UBE4A: variants seen among roughly 807,000 people sequenced by gnomAD.
UBE4A encodes ubiquitin conjugation factor E4 A.
A neutral mutation model predicts 117.9 loss-of-function variants in UBE4A; 48 were observed. The ratio of observed to expected loss-of-function variants is 0.41; its 90% CI spans 0.32 to 0.52. UBE4A has a LOEUF of 0.52. UBE4A is among the 20% of genes least tolerant of loss of function. The probability of loss-of-function intolerance (pLI) is 0.33; values close to 1 mark genes in which losing one functional copy is unlikely to be tolerated. For missense variants in UBE4A, 1,067 were observed against 1,296.3 expected, an observed-to-expected ratio of 0.82 and a Z score of 2.72; for synonymous variants, 407 against 450.0, an observed-to-expected ratio of 0.90 and a Z score of 1.21.
intron 18 of UBE4A, among the ~76,000 whole-genome samples, chr11:118,392,325 ACTG>A (rs1948826626): frequency 6.6e-6 from 1 of 152,206 alleles, no homozygotes; most frequent in Non-Finnish European, 1.5e-5. Flanking sequence ...AAAATCAAAA[ACTG>A]CTTTTCATAC....
chr11:118,383,746 A>G lies in UBE4A; in HGVS notation c.2198-889A>G, dbSNP rs556523063. On this transcript the variant is annotated intron_variant, in intron 13 of 19. Transcript: ENST00000252108. ...TTTTTTAAAGGGATATCTACCATCC[A>G]ATGATAAATACAACTAACATTTAAA... 4.3e-4 allele frequency among the ~76,000 whole-genome samples: 65 copies of G among 152,270 alleles called. 1 individual carries two copies. Among genetic ancestry groups the G allele is most frequent in the African/African-American group, 1.5e-3 (64 of 41,566 alleles).
intron 6 of UBE4A, 23 bp downstream of exon 6, chr11:118,372,689 T>G: frequency 6.2e-7 from 1 of 1,608,588 alleles, no homozygotes; most frequent in Non-Finnish European, 8.5e-7. Context: ...ACAAGATCTG[T>G]AAGCTTCTAC....
intron 19 of UBE4A, among the ~76,000 whole-genome samples, chr11:118,395,364 G>A (rs73020212): frequency 0.017 from 2,604 of 151,750 alleles, 33 homozygotes; most frequent in Non-Finnish European, 0.029. Flanking sequence ...TCTACCTCTT[G>A]GTATTTGGTA....
At chr11:118,362,317 G>A (rs1948526774) in intron 1 of UBE4A, among the ~76,000 whole-genome samples, 1 of 152,054 alleles carries the variant, frequency 6.6e-6, no homozygotes, top group African/African-American at 2.4e-5. Context: ...GTAGAGATGG[G>A]GTTTCTCCAT....
chr11:118,376,177 A>G, intron 9 of UBE4A, among the ~76,000 whole-genome samples: 1 of 152,122 alleles, frequency 6.6e-6, no homozygotes, highest in East Asian at 1.9e-4. Context: ...AATGAAGAGA[A>G]AATAAATGAC....
At chr11:118,371,465 CA>C (rs1948609604) in intron 4 of UBE4A, 48 bp from the exon 5 acceptor site, 1 of 1,559,126 alleles carries the variant, frequency 6.4e-7, no homozygotes, top group Non-Finnish European at 8.7e-7. Context: ...TTAATGTTCT[CA>C]GATTAATTTT....
In UBE4A at chr11:118,384,947, T is replaced by TAAAA. The variant is rs370025001; in HGVS notation, c.2412+20_2412+23dup. 39 of 1,067,088 alleles carry TAAAA rather than the reference T, an allele frequency of 3.7e-5. No individual in the cohort carries two copies. Among genetic ancestry groups the TAAAA allele is most frequent in the African/African-American group, 6.8e-5 (3 of 44,090 alleles). 66.1% of individuals were successfully genotyped at this position (1,067,088 alleles called of 1,614,324 possible). A position where few individuals can be genotyped will look rare whatever the true frequency, so the allele number is the denominator to read the frequency against. On this transcript the variant is annotated splice_region_variant and intron_variant, in intron 15 of 19. Coordinates refer to ENST00000252108, the MANE Select transcript of UBE4A (RefSeq NM_001204077.2). The stretch of plus-strand genomic sequence containing the variant: ...TTCCTTTTGGATGAAGCCATACAGG[T>TAAAA]AAAAAAAAAAAAAAAAAAAAAGATT...
chr11:118,390,165 C>T (rs924343052), intron 17 of UBE4A, among the ~76,000 whole-genome samples: 1 of 151,726 alleles, frequency 6.6e-6, no homozygotes, highest in Non-Finnish European at 1.5e-5. Context: ...GCCTGGGCAA[C>T]ACAGCAGGAC....
At chr11:118,374,755 T>A in intron 8 of UBE4A, 141 bp from the exon 9 acceptor site, 1 of 753,628 alleles carries the variant, frequency 1.3e-6, no homozygotes, top group Non-Finnish European at 1.9e-6. Context: ...TATTTTAAAA[T>A]CAAATTAGGG....
intron 6 of UBE4A, 100 bp from the exon 7 acceptor site, chr11:118,372,986 A>T (rs1948621260): frequency 9.3e-6 from 1 of 107,208 alleles, no homozygotes; most frequent in African/African-American, 4.0e-5. Context: ...CCCCAGCTCT[A>T]AAAAAAAAAA....
chr11:118,369,194 G>T (rs989304403), intron 3 of UBE4A, among the ~76,000 whole-genome samples: 5 of 152,092 alleles, frequency 3.3e-5, no homozygotes, highest in African/African-American at 1.2e-4. Context: ...ACTAATGTCT[G>T]GGATTTACTC....
In UBE4A at chr11:118,396,362, C is replaced by T; in HGVS notation, c.3123C>T (p.Ile1041=). ...FNRSPLTMDQ[I]RPNTELKEKI... is the part of the protein sequence containing the mutation. ...GTAGTCCCCTCACCATGGACCAGAT[C>T]CGGCCAAACACAGAACTAAAAGAAA... The change falls in exon 20 of 20, where the codon ATC becomes ATT. Residue 1041 remains isoleucine (I), a synonymous_variant. Coordinates refer to ENST00000252108, the MANE Select transcript of UBE4A (RefSeq NM_001204077.2). 1 of 1,613,830 alleles carries T rather than the reference C, an allele frequency of 6.2e-7. No individual in the cohort carries two copies. The highest frequency in any genetic ancestry group is 2.2e-5 in the East Asian group (1 of 44,846).
At chr11:118,386,935 C>T (rs773219431) in intron 16 of UBE4A, among the ~76,000 whole-genome samples, 1 of 152,100 alleles carries the variant, frequency 6.6e-6, no homozygotes, top group Non-Finnish European at 1.5e-5. Context: ...CTGAGAAATA[C>T]GCTTGAATCC....
intron 14 of UBE4A, 36 bp downstream of exon 14, chr11:118,384,771 T>G (rs782020891): frequency 1.4e-5 from 22 of 1,610,984 alleles, no homozygotes; most frequent in African/African-American, 5.3e-5. Context: ...TTGCTTTATA[T>G]AAGCCCTAAT....
At chr11:118,395,825 C>T (rs1343383054) in intron 19 of UBE4A, among the ~76,000 whole-genome samples, 1 of 151,938 alleles carries the variant, frequency 6.6e-6, no homozygotes, top group African/African-American at 2.4e-5. Context: ...GTAATCCCAG[C>T]GCACTTTGGG....
At chr11:118,387,527 A>G (rs1555127455) in intron 16 of UBE4A, among the ~76,000 whole-genome samples, 1 of 152,184 alleles carries the variant, frequency 6.6e-6, no homozygotes. Flanking sequence ...CTCAAAAGCG[A>G]AAAATGGAGG....
At chr11:118,385,157 T>C (rs1374499901) in intron 15 of UBE4A, among the ~76,000 whole-genome samples, 1 of 152,120 alleles carries the variant, frequency 6.6e-6, no homozygotes, top group Admixed American at 6.6e-5. Context: ...TCAAGGGTCA[T>C]TGAAGCATCA....
At chr11:118,371,299 A>G (rs901867997) in intron 4 of UBE4A, among the ~76,000 whole-genome samples, 7 of 152,162 alleles carry the variant, frequency 4.6e-5, no homozygotes, top group African/African-American at 1.7e-4. Flanking sequence ...GGGCTATACT[A>G]GACACTTGAG....
rs1555128241 is a variant in UBE4A at position 118,390,704 on chromosome 11, A to G, written c.2816A>G (p.Tyr939Cys). 1.3e-6 allele frequency: 2 copies of G among 1,575,374 alleles called. No individual in the cohort carries two copies. The highest frequency in any genetic ancestry group is 8.6e-7 in the Non-Finnish European group (1 of 1,162,994). The change falls in exon 18 of 20, where the codon TAT becomes TGT. Residue 939 changes from tyrosine to cysteine, a missense_variant. Around this residue, in one of 3 missense-constraint regions of UBE4A, gnomAD observed 1,001 missense variants for 1,184.0 expected, o/e 0.85. Transcript: ENST00000252108. Reference sequence around the variant, plus strand: ...ACTGTGCCCAAGGATGGACGTTCCTATTCCCCAACTCTCTTTGCACAGACA... The same window carrying G: ...ACTGTGCCCAAGGATGGACGTTCCTGTTCCCCAACTCTCTTTGCACAGACA... ...CATVPKDGRS[Y>C]SPTLFAQTVR...
Sources: gnomAD v4.1 joint callset for allele counts (sites outside exome capture counted in the v4.1 genomes callset) on GRCh38, gnomAD v4.1.1 for gene constraint, gnomAD v4.1.1 regional missense constraint, MANE v1.5 for transcripts, NCBI Gene and HGNC (gene_info 2026-07-23, HGNC 2026-07-21) for gene names.